Variants in DPEP3 observed in about 807,000 individuals in gnomAD.
DPEP3 encodes the protein dipeptidase 3, also known as membrane-bound dipeptidase 3.
DPEP3 carries 42 observed loss-of-function variants against 47.5 expected under a neutral mutation model. That is an observed-to-expected ratio of 0.88 (90% CI 0.69 to 1.14). DPEP3 has a LOEUF of 1.14. Among genes scored for constraint, DPEP3 ranks in the 50% most tolerant of loss-of-function variants. The probability of loss-of-function intolerance (pLI) is 0.00; values close to 1 mark genes in which losing one functional copy is unlikely to be tolerated. For synonymous variants in DPEP3, 276 were observed against 270.2 expected (o/e 1.02, Z -0.21); for missense variants, 560 against 635.0 (o/e 0.88, Z 1.27).
Position 67,977,993 on chromosome 16 carries a change from G to A in DPEP3, c.701C>T (p.Thr234Ile). 6.2e-7 allele frequency: 1 copy of A among 1,613,906 alleles called. No individual in the cohort carries two copies. The highest frequency in any genetic ancestry group is 1.1e-5 in the South Asian group (1 of 91,078). The change falls in exon 5 of 10, where the codon ACC becomes ATC. Residue 234 changes from threonine (T) to isoleucine (I), a missense_variant. Coordinates refer to ENST00000268793, the MANE Select transcript of DPEP3 (RefSeq NM_001370198.1). ...TCSTPWAESS[T>I]KFRHHMYTNV... The stretch of plus-strand genomic sequence containing the variant: ...GGTGTACATGTGGTGTCTGAACTTG[G>A]TGGAACTCTCTGCCCTGCAGGACAG...
Position 67,975,879 on chromosome 16 carries a change from C to A in DPEP3, c.1353G>T (p.Val451=), listed in dbSNP as rs764685690. 2 of 1,613,748 alleles carry A rather than the reference C, an allele frequency of 1.2e-6. No homozygotes were observed. Among genetic ancestry groups the A allele is most frequent in the African/African-American group, 1.3e-5 (1 of 74,934 alleles). Residue 451 remains valine (V), a synonymous_variant, in exon 10 of 10, where the codon GTG becomes GTT. Coordinates refer to ENST00000268793, the MANE Select transcript of DPEP3 (RefSeq NM_001370198.1). Reference sequence around the variant, plus strand: ...GGACCCGATTGGTTGGCTGCTTGGTCACCTCCAGATGAGTAGCCTGGTGTC... The same window carrying A: ...GGACCCGATTGGTTGGCTGCTTGGTAACCTCCAGATGAGTAGCCTGGTGTC... ...QNGHQATHLE[V]TKQPTNRVPW... is the part of the protein sequence containing the mutation.
chr16:67,978,157 G>A lies in DPEP3; in HGVS notation c.686+110C>T, dbSNP rs2031241724. ...TTGTGAGGGACCCACTGGGTGTCCA[G>A]CCTCCCTCTGCGGACCCCTTCATCC... On this transcript the variant is annotated intron_variant, in intron 4 of 9. Coordinates refer to ENST00000268793, the MANE Select transcript of DPEP3 (RefSeq NM_001370198.1). The surrounding 1 kb of genome is among the most constrained non-coding windows in gnomAD (Gnocchi z 4.4). 6.3e-6 allele frequency: 10 copies of A among 1,586,792 alleles called. No homozygotes were observed. Among genetic ancestry groups the A allele is most frequent in the Middle Eastern group, 1.7e-4 (1 of 5,896 alleles).
Position 67,976,212 on chromosome 16 carries a change from C to T in DPEP3, c.1111G>A (p.Glu371Lys), listed in dbSNP as rs766464576. 1.2e-6 allele frequency: 2 copies of T among 1,614,190 alleles called. No individual in the cohort carries two copies. Among genetic ancestry groups the T allele is most frequent in the Non-Finnish European group, 8.5e-7 (1 of 1,180,026 alleles). The stretch of plus-strand genomic sequence containing the variant: ...AGGACTGGGTATGTGGACACATCCT[C>T]CAGCCCCTGAGGGAACCTGTGTGGC... ...DGTGRFPQGL[E>K]DVSTYPVLIE... Residue 371 changes from glutamate (E) to lysine (K), a missense_variant, in exon 9 of 10, where the codon GAG (glutamate) becomes AAG (lysine). Transcript: ENST00000268793.
Position 67,977,269 on chromosome 16 carries a change from C to T in DPEP3, c.1018+1G>A. 1 of 1,613,644 alleles carries T rather than the reference C, an allele frequency of 6.2e-7. No individual in the cohort carries two copies. On this transcript the variant is annotated splice_donor_variant, in intron 7 of 9. Transcript: ENST00000268793. LOFTEE classifies it high-confidence loss of function. ...CTGCACAAAGCTGAGGTGGGACTTA[C>T]CTGCCACAGTGGACACGTTAGCAAG...
Position 67,977,364 on chromosome 16 carries a change from T to C in DPEP3, c.934-10A>G, listed in dbSNP as rs1182027074. 5.0e-6 allele frequency: 8 copies of C among 1,613,128 alleles called. No homozygotes were observed. The highest frequency in any genetic ancestry group is 6.8e-6 in the Non-Finnish European group (8 of 1,179,468). On this transcript the variant is annotated splice_polypyrimidine_tract_variant and intron_variant, in intron 6 of 9. Coordinates refer to ENST00000268793, the MANE Select transcript of DPEP3 (RefSeq NM_001370198.1). ...TGCCACCGTTCTTCTTCTAGAGGGA[T>C]AAAGGGATACTCATCTCAGCCCTTC... is the stretch of plus-strand genomic sequence containing the variant.
Position 67,978,911 on chromosome 16 carries a change from C to G in DPEP3, c.415-285G>C, listed in dbSNP as rs2031261092. Among the ~76,000 whole-genome samples, 2 of 152,162 alleles carry G rather than the reference C, an allele frequency of 1.3e-5. No homozygotes were observed. Among genetic ancestry groups the G allele is most frequent in the African/African-American group, 4.8e-5 (2 of 41,424 alleles). On this transcript the variant is annotated intron_variant, in intron 2 of 9. Transcript: ENST00000268793. This position sits in a 1 kb window ranked among gnomAD's most constrained non-coding sequence, Gnocchi z 4.4. ...GGCTCAAACAATCCTCCTGCCTCAG[C>G]CTCCCAAAGTGTTGGCATTACAGAT... is the stretch of plus-strand genomic sequence containing the variant.
rs2031189935 is a variant in DPEP3 at position 67,976,118 on chromosome 16, A to G, written c.1205T>C (p.Leu402Pro). The change falls in exon 9 of 10, where the codon CTG becomes CCG. Residue 402 changes from leucine (L) to proline (P), a missense_variant. Coordinates refer to ENST00000268793, the MANE Select transcript of DPEP3 (RefSeq NM_001370198.1). ...ELQGVLRGNL[L>P]RVFRQVEKVR... Reference sequence around the variant, plus strand: ...CTTTTCCACTTGTCTGAAGACCCGCAGCAGGTTTCCACGAAGGACACCTTG... The same window carrying G: ...CTTTTCCACTTGTCTGAAGACCCGCGGCAGGTTTCCACGAAGGACACCTTG... 3.1e-6 allele frequency: 5 copies of G among 1,614,158 alleles called. No individual in the cohort carries two copies. The highest frequency in any genetic ancestry group is 3.4e-6 in the Non-Finnish European group (4 of 1,180,018).
In DPEP3 at chr16:67,978,630, A is replaced by G. The variant is rs1248804624; in HGVS notation, c.415-4T>C. ...ATGAGACGGAGGCTGACCAGAACTG[A>G]GGGTAGGTCAAGGGGTCCAGAATGA... On this transcript the variant is annotated splice_polypyrimidine_tract_variant and splice_region_variant and intron_variant, in intron 2 of 9. Coordinates refer to ENST00000268793, the MANE Select transcript of DPEP3 (RefSeq NM_001370198.1). This position sits in a 1 kb window ranked among gnomAD's most constrained non-coding sequence, Gnocchi z 4.4. 2 of 1,613,656 alleles carry G rather than the reference A, an allele frequency of 1.2e-6. No individual in the cohort carries two copies. The highest frequency in any genetic ancestry group is 4.5e-5 in the East Asian group (2 of 44,874).
In DPEP3 at chr16:67,977,807, C is replaced by T. The variant is rs201970507; in HGVS notation, c.779G>A (p.Arg260His). ...GGACAAATCTATCATCATGCCCAGG[C>T]GGTTCAACTCCTCTACTACTTTCTG... Reference protein sequence around the residue: ...FGEKVVEELNRLGMMIDLSYA... With the variant: ...FGEKVVEELNHLGMMIDLSYA... Residue 260 changes from arginine (R) to histidine (H), a missense_variant, in exon 6 of 10, where the codon CGC (arginine) becomes CAC (histidine). Transcript: ENST00000268793. 5.9e-5 allele frequency: 95 copies of T among 1,613,874 alleles called. No homozygotes were observed. The highest frequency in any genetic ancestry group is 1.6e-4 in the Middle Eastern group (1 of 6,062).
intron 6 of DPEP3, 143 bp downstream of exon 6, chr16:67,977,510 T>C: frequency 7.7e-7 from 1 of 1,295,950 alleles, no homozygotes; most frequent in Non-Finnish European, 1.1e-6. Flanking sequence ...TGGAAATTAC[T>C]TGGCCTTAAG....
chr16:67,977,387 T>C, intron 6 of DPEP3, 33 bp from the exon 7 acceptor site: 3 of 1,595,614 alleles, frequency 1.9e-6, no homozygotes, highest in Non-Finnish European at 2.6e-6. Flanking sequence ...ATCTCAGCCC[T>C]TCTGGCCTGA....
chr16:67,979,103 G>A (rs566669128), intron 2 of DPEP3, among the ~76,000 whole-genome samples: 83 of 152,252 alleles, frequency 5.5e-4, no homozygotes, highest in African/African-American at 1.9e-3. Flanking sequence ...TCAGGAGTTC[G>A]AGACCAGCCT....
chr16:67,977,628 T>C, intron 6 of DPEP3, 25 bp downstream of exon 6: 1 of 1,600,436 alleles, frequency 6.2e-7, no homozygotes, highest in Non-Finnish European at 8.5e-7. Flanking sequence ...ACATGCCTAG[T>C]TTGAGAGCTG....
chr16:67,976,302 C>G (rs921961771), intron 8 of DPEP3, 74 bp from the exon 9 acceptor site: 19 of 1,584,424 alleles, frequency 1.2e-5, no homozygotes, highest in Non-Finnish European at 1.5e-5. Flanking sequence ...CCCACCAGCC[C>G]TAGTCACACA....
rs765135066 is a variant in DPEP3, at chr16:67,976,228, C to A, written c.1095G>T (p.Arg365=). Residue 365 remains arginine, a splice_region_variant and synonymous_variant, in exon 9 of 10, where the codon CGG becomes CGT. Transcript: ENST00000268793. ...ACACATCCTCCAGCCCCTGAGGGAA[C>A]CTGTGTGGCCACCCACCAGCCAGCT... ...GIGGNYDGTG[R]FPQGLEDVST... 1.4e-5 allele frequency: 22 copies of A among 1,613,904 alleles called. No individual in the cohort carries two copies. Among genetic ancestry groups the A allele is most frequent in the Non-Finnish European group, 1.8e-5 (21 of 1,179,944 alleles).
chr16:67,977,730 C>T lies in DPEP3; in HGVS notation c.856G>A (p.Val286Met). 2 of 1,613,426 alleles carry T rather than the reference C, an allele frequency of 1.2e-6. No homozygotes were observed. Among genetic ancestry groups the T allele is most frequent in the Middle Eastern group, 1.6e-4 (1 of 6,062 alleles). Residue 286 changes from valine (V) to methionine (M), a missense_variant, in exon 6 of 10, where the codon GTG becomes ATG. By Grantham distance (21) the Val-to-Met change is conservative (BLOSUM62 1). Coordinates refer to ENST00000268793, the MANE Select transcript of DPEP3 (RefSeq NM_001370198.1). ...CTGGCAGCTGAGTGGGAGAAGATCA[C>T]AGGAGCCTGAGACACTTCCAGGACC... Reference protein sequence around the residue: ...RRVLEVSQAPVIFSHSAARAV... With the variant: ...RRVLEVSQAPMIFSHSAARAV...
intron 2 of DPEP3, 78 bp downstream of exon 2, chr16:67,979,561 G>A (rs2031275372): frequency 1.9e-6 from 3 of 1,584,646 alleles, no homozygotes; most frequent in Non-Finnish European, 2.6e-6. Context: ...GTCACCCAGA[G>A]GCTGGCTGAC....
chr16:67,975,710 G>T lies in DPEP3; in HGVS notation c.*55C>A. The T allele has an allele frequency of 6.7e-7, 1 of 1,493,602 alleles. No individual in the cohort carries two copies. The highest frequency in any genetic ancestry group is 2.4e-5 in the East Asian group (1 of 42,088). The allele number at this position is 1,493,602 out of a possible 1,614,324, so 92.5% of individuals were successfully genotyped here. A position where few individuals can be genotyped will look rare whatever the true frequency, so the allele number is the denominator to read the frequency against. Reference sequence around the variant, plus strand: ...TCAGCATATGCTTGTGAATGAACTAGGAGAGGGGGCTTTGTGAGGCTTTGC... The same window carrying T: ...TCAGCATATGCTTGTGAATGAACTATGAGAGGGGGCTTTGTGAGGCTTTGC... On this transcript the variant is annotated 3_prime_UTR_variant, in exon 10 of 10. Transcript: ENST00000268793.
intron 6 of DPEP3, 46 bp downstream of exon 6, chr16:67,977,607 C>G (rs779094577): frequency 3.8e-6 from 6 of 1,574,552 alleles, no homozygotes; most frequent in Non-Finnish European, 5.2e-6. Flanking sequence ...GGTCAAGAAC[C>G]TTTGGATAAC....
Sources: gnomAD v4.1 joint callset for allele counts (sites outside exome capture counted in the v4.1 genomes callset) on GRCh38, gnomAD v4.1.1 for gene constraint, Gnocchi (gnomAD v3.1) non-coding constraint, MANE v1.5 for transcripts, NCBI Gene and HGNC (gene_info 2026-07-23, HGNC 2026-07-21) for gene names.